Variants in PDE8B observed in about 807,000 individuals in gnomAD.
PDE8B encodes phosphodiesterase 8B, also known as high affinity cAMP-specific and IBMX-insensitive 3',5'-cyclic phosphodiesterase 8B.
PDE8B carries 26 observed loss-of-function variants against 101.3 expected under a neutral mutation model. That is an observed-to-expected ratio of 0.26 (90% CI 0.19 to 0.36). PDE8B has a LOEUF of 0.36. Ranked by LOEUF, PDE8B falls within the 10% of genes least tolerant of loss-of-function variation. PDE8B has a pLI of 1.00. For synonymous variants in PDE8B, 424 were observed against 429.3 expected, an observed-to-expected ratio of 0.99 and a Z score of 0.15; for missense variants, 810 against 1,163.1, an observed-to-expected ratio of 0.70 and a Z score of 4.42.
chr5:77,363,037 A>T (rs73764822), intron 10 of PDE8B, among the ~76,000 whole-genome samples: 4 of 152,334 alleles, frequency 2.6e-5, no homozygotes, highest in African/African-American at 9.6e-5. Flanking sequence ...TGATCAGTGG[A>T]GCTCATGGAA....
At chr5:77,392,272 A>AT (rs1385222791) in intron 10 of PDE8B, among the ~76,000 whole-genome samples, 4 of 152,196 alleles carry the variant, frequency 2.6e-5, no homozygotes, top group African/African-American at 9.6e-5. Context: ...GGACAGGCCT[A>AT]TGCAGACCTA....
At chr5:77,254,387 T>TA (rs11316141) in intron 1 of PDE8B, among the ~76,000 whole-genome samples, 3,197 of 151,184 alleles carry the variant, frequency 0.021, 52 homozygotes, top group Non-Finnish European at 0.029. Context: ...ATTCAGTCAT[T>TA]AAAAAAAAAT....
At chr5:77,253,053 G>T (rs904678769) in intron 1 of PDE8B, among the ~76,000 whole-genome samples, 7 of 151,400 alleles carry the variant, frequency 4.6e-5, no homozygotes, top group Non-Finnish European at 7.4e-5. Context: ...AGAAAAAGCA[G>T]CAAGAAAATT....
At chr5:77,391,479 A>G (rs1449311396) in intron 10 of PDE8B, among the ~76,000 whole-genome samples, 3 of 152,236 alleles carry the variant, frequency 2.0e-5, no homozygotes, top group Admixed American at 2.0e-4. Flanking sequence ...CAGGTGAGCC[A>G]GTCTGGGGGT....
At chr5:77,112,452 A>G in the PDE8B span, 1 of 152,268 alleles carries the variant, frequency 6.6e-6, no homozygotes, top group East Asian at 1.9e-4. Context: ...ATCTCGTTGA[A>G]AGTCTGTCTG....
intron 1 of PDE8B, among the ~76,000 whole-genome samples, chr5:77,283,532 T>C (rs1348691815): frequency 6.6e-6 from 1 of 152,228 alleles, no homozygotes; most frequent in Non-Finnish European, 1.5e-5. Flanking sequence ...CTTTTTAATA[T>C]CTCTACAGTT....
chr5:77,374,776 G>A (rs1260563908), intron 10 of PDE8B, among the ~76,000 whole-genome samples: 6 of 152,200 alleles, frequency 3.9e-5, no homozygotes, highest in Admixed American at 2.6e-4. Context: ...CCAAGTATTT[G>A]CCATTGAATC....
intron 16 of PDE8B, among the ~76,000 whole-genome samples, chr5:77,412,553 A>ATTT (rs34014902): frequency 2.0e-5 from 3 of 147,666 alleles, no homozygotes; most frequent in Non-Finnish European, 4.5e-5. Flanking sequence ...AGCACTATAG[A>ATTT]TTTTTTTTTT....
At chr5:77,175,498 C>T in the PDE8B span, among the ~76,000 whole-genome samples, 2 of 152,170 alleles carry the variant, frequency 1.3e-5, no homozygotes, top group African/African-American at 2.4e-5. Context: ...TTTAAACATC[C>T]CCTCCCAGGG....
At chr5:77,285,473 C>G (rs251413) in intron 1 of PDE8B, among the ~76,000 whole-genome samples, 121,631 of 152,122 alleles carry the variant, frequency 0.8, 49,479 homozygotes, top group African/African-American at 0.95. Flanking sequence ...TGAAAATTTA[C>G]CAGTCATCTG....
At chr5:77,206,439 C>T (rs970704955), upstream of PDE8B, among the ~76,000 whole-genome samples, 1 of 152,080 alleles carries the variant, frequency 6.6e-6, no homozygotes. Flanking sequence ...ATTTCAAACA[C>T]GGGTTGGGAA....
intron 1 of PDE8B, among the ~76,000 whole-genome samples, chr5:77,285,097 G>T (rs1291593272): frequency 1.3e-5 from 2 of 152,104 alleles, no homozygotes; most frequent in African/African-American, 4.8e-5. Context: ...TCCCAGTTTG[G>T]CTAATAAATG....
At chr5:77,190,033 C>A in the PDE8B span, among the ~76,000 whole-genome samples, 1 of 152,168 alleles carries the variant, frequency 6.6e-6, no homozygotes, top group African/African-American at 2.4e-5. Context: ...ATCTCTAAGG[C>A]CCCTTCTAGC....
In PDE8B at chr5:77,233,699, T is replaced by TGTGTGTGTGTGTGC. The variant is rs979930633; in HGVS notation, c.339+22436_339+22437insTGTGTGTGTGTGCG. Among the ~76,000 whole-genome samples the TGTGTGTGTGTGTGC allele has an allele frequency of 2.0e-3, 297 of 146,950 alleles. 1 individual carries two copies. The highest frequency in any genetic ancestry group is 7.3e-3 in the African/African-American group (289 of 39,766). On this transcript the variant is annotated intron_variant, in intron 1 of 21. Transcript: ENST00000264917. ...GTGTGTGTGTGTGTGTGTGTGTGTGTGCAGTAGACTTTTGTTGCATTAGGT... is the reference window on the plus strand; with the variant it reads ...GTGTGTGTGTGTGTGTGTGTGTGTGTGTGTGTGTGTGTGCGCAGTAGACTTTTGTTGCATTAGGT...
chr5:77,400,181 G>A (rs1791953719), intron 10 of PDE8B, 67 bp from the exon 11 acceptor site: 1 of 1,074,472 alleles, frequency 9.3e-7, no homozygotes, highest in Non-Finnish European at 1.5e-6. Context: ...ATTGTTTGAT[G>A]AGAAATATAG....
At chr5:77,115,413 TTC>T in the PDE8B span, 1 of 152,204 alleles carries the variant, frequency 6.6e-6, no homozygotes, top group South Asian at 2.1e-4. Flanking sequence ...AAAGAAACAT[TTC>T]ATCTTTCTGA....
intron 1 of PDE8B, among the ~76,000 whole-genome samples, chr5:77,298,613 C>A (rs900931195): frequency 6.6e-6 from 1 of 152,222 alleles, no homozygotes; most frequent in South Asian, 2.1e-4. Flanking sequence ...GCTGGACTTA[C>A]ACCAGTAGAA....
intron 10 of PDE8B, among the ~76,000 whole-genome samples, chr5:77,386,672 T>G (rs1788703780): frequency 6.6e-6 from 1 of 152,050 alleles, no homozygotes. Flanking sequence ...ATGTGTGTCT[T>G]TGCACATGAG....
At chr5:77,300,653 G>A (rs1769717214) in intron 1 of PDE8B, among the ~76,000 whole-genome samples, 1 of 152,194 alleles carries the variant, frequency 6.6e-6, no homozygotes, top group Admixed American at 6.5e-5. Context: ...AGGTGCAGTG[G>A]GGATTGTCTT....
Sources: gnomAD v4.1 joint callset for allele counts (sites outside exome capture counted in the v4.1 genomes callset) on GRCh38, gnomAD v4.1.1 for gene constraint, MANE v1.5 for transcripts, NCBI Gene and HGNC (gene_info 2026-07-23, HGNC 2026-07-21) for gene names.